PRELID2: variants seen among roughly 807,000 people sequenced by gnomAD.
PRELID2 encodes PRELI domain containing 2.
In PRELID2, 25 loss-of-function variants were observed where a neutral mutation model predicts 28.4. The observed-to-expected ratio is 0.88, with a 90% CI of 0.64 to 1.23. The LOEUF is 1.23. Ranked by LOEUF, PRELID2 falls within the 50% of genes most tolerant of loss-of-function variation. The pLI, the probability that PRELID2 is intolerant of heterozygous loss-of-function variation, is 0.00. For synonymous variants in PRELID2, 76 were observed against 71.6 expected, an observed-to-expected ratio of 1.06 and a Z score of -0.31; for missense variants, 201 against 214.4, an observed-to-expected ratio of 0.94 and a Z score of 0.39.
At chr5:145,498,419 G>A (rs2052506) in intron 1 of PRELID2, among the ~76,000 whole-genome samples, 2,408 of 152,196 alleles carry the variant, frequency 0.016, 136 homozygotes, top group East Asian at 0.12. Context: ...CAGCTACCCT[G>A]GAGGCTGTGG....
In PRELID2 at chr5:145,704,827, T is replaced by G. The variant is rs994162288; in HGVS notation, n.70+60104A>C. On this transcript the variant is annotated intron_variant and non_coding_transcript_variant, in intron 1 of 2. Transcript: ENST00000510259. ...TGGTGGGACCAGTAAAACAGAGAAT[T>G]GGGCTGTTAGCAGCCAGATGCACTT... Among the ~76,000 whole-genome samples, 14 of 152,252 alleles carry G rather than the reference T, an allele frequency of 9.2e-5. No individual in the cohort carries two copies. The East Asian group carries it at 2.7e-3, about 29-fold the overall frequency.
At chr5:145,426,382 A>G in the PRELID2 span, among the ~76,000 whole-genome samples, 1 of 152,198 alleles carries the variant, frequency 6.6e-6, no homozygotes, top group Admixed American at 6.5e-5. Flanking sequence ...AGTAAAACTG[A>G]CTTTCAGCTA....
At chr5:145,744,875 A>T (rs577336242) in intron 1 of PRELID2, among the ~76,000 whole-genome samples, 26 of 152,232 alleles carry the variant, frequency 1.7e-4, no homozygotes, top group African/African-American at 6.3e-4. Context: ...AAGAATTGAC[A>T]GAAGTAGGTT....
At position 145,619,120 on chromosome 5, in the gene PRELID2, A is replaced by C. The variant is rs191613033; in HGVS notation, n.71-145805T>G. On this transcript the variant is annotated intron_variant and non_coding_transcript_variant, in intron 1 of 2. Coordinates refer to the PRELID2 transcript ENST00000510259. ...CCAGGCTACCCGCCTCCCAGCTGTG[A>C]AAGAAAAAGGCCTTAGTTCTTCCCC... 2.3e-3 allele frequency among the ~76,000 whole-genome samples: 348 copies of C among 152,310 alleles called. 1 individual carries two copies. The highest frequency in any genetic ancestry group is 3.4e-3 in the Non-Finnish European group (233 of 68,020).
At chr5:145,563,367 C>T (rs1752939888) in intron 1 of PRELID2, among the ~76,000 whole-genome samples, 2 of 152,166 alleles carry the variant, frequency 1.3e-5, no homozygotes, top group South Asian at 2.1e-4. Flanking sequence ...CCTGGATCCA[C>T]ACATAACTGG....
At chr5:145,718,805 T>TA (rs1351941273) in intron 1 of PRELID2, among the ~76,000 whole-genome samples, 2 of 151,956 alleles carry the variant, frequency 1.3e-5, no homozygotes, top group African/African-American at 4.8e-5. Flanking sequence ...AAATGTTTAT[T>TA]ACATGGAGAA....
At chr5:145,810,728 G>A (rs1427953898) in intron 4 of PRELID2, among the ~76,000 whole-genome samples, 1 of 152,050 alleles carries the variant, frequency 6.6e-6, no homozygotes, top group Non-Finnish European at 1.5e-5. Flanking sequence ...TGACCACTAT[G>A]GGCTGGCACT....
At chr5:145,229,053 G>A in the PRELID2 span, 100 of 1,594,924 alleles carry the variant, frequency 6.3e-5, no homozygotes, top group East Asian at 3.8e-4. Context: ...CCAGTCCAGC[G>A]CACTGTATGA....
the PRELID2 span, among the ~76,000 whole-genome samples, chr5:145,455,945 G>C: frequency 2.0e-5 from 3 of 152,254 alleles, no homozygotes; most frequent in Admixed American, 2.0e-4. Context: ...CTTCTGTGTT[G>C]ATCTCACTGG....
the PRELID2 span, among the ~76,000 whole-genome samples, chr5:145,435,030 T>C: frequency 2.0e-5 from 3 of 152,196 alleles, no homozygotes; most frequent in Admixed American, 2.0e-4. Flanking sequence ...CTTTCAAAGT[T>C]ATTCTAATTA....
chr5:145,764,963 C>T lies in PRELID2; in HGVS notation c.512G>A (p.Cys171Tyr). The change falls in exon 6 of 7, where the codon TGT (cysteine) becomes TAT (tyrosine). Residue 171 changes from cysteine to tyrosine, a missense_variant. Transcript: ENST00000683046. ...RIMEMLLKEQ[C>Y]GAPLAE ...TCTTTATTCAGCTAAGGGGGCACCA[C>T]ACTGTTCCTTTAGCAGCATCTCCAT... The T allele has an allele frequency of 1.2e-6, 2 of 1,612,126 alleles. No individual in the cohort carries two copies. Among genetic ancestry groups the T allele is most frequent in the African/African-American group, 1.3e-5 (1 of 74,926 alleles).
chr5:145,388,015 TATC>T, the PRELID2 span, among the ~76,000 whole-genome samples: 2 of 150,754 alleles, frequency 1.3e-5, no homozygotes, highest in East Asian at 3.9e-4. Flanking sequence ...TAAAGAGGCT[TATC>T]ATTAATACAC....
rs181075039 is a variant in PRELID2, at chr5:145,556,075, G to A, written n.71-82760C>T. On this transcript the variant is annotated intron_variant and non_coding_transcript_variant, in intron 1 of 2. Coordinates refer to the PRELID2 transcript ENST00000510259. ...TGCCTGTAGTCCTAGCTACTCTGGAGGCTGAGGCAGGAGAATTGCTTGAAC... is the reference window on the plus strand; with the variant it reads ...TGCCTGTAGTCCTAGCTACTCTGGAAGCTGAGGCAGGAGAATTGCTTGAAC... Among the ~76,000 whole-genome samples, 188 of 151,754 alleles carry A rather than the reference G, an allele frequency of 1.2e-3. 2 individuals carry two copies. The highest frequency in any genetic ancestry group is 4.5e-3 in the African/African-American group (185 of 41,354).
the PRELID2 span, among the ~76,000 whole-genome samples, chr5:145,443,036 G>A: frequency 4.6e-5 from 7 of 151,944 alleles, no homozygotes; most frequent in Admixed American, 2.6e-4. Flanking sequence ...CACAAGGGTC[G>A]CATTCCATTC....
At chr5:145,631,014 G>A (rs908303335) in intron 1 of PRELID2, among the ~76,000 whole-genome samples, 6 of 152,088 alleles carry the variant, frequency 3.9e-5, no homozygotes, top group Non-Finnish European at 7.4e-5. Context: ...TGTGAAATGG[G>A]GATAAACCAC....
At chr5:145,628,001 T>TA (rs1199651192) in intron 1 of PRELID2, among the ~76,000 whole-genome samples, 6 of 152,300 alleles carry the variant, frequency 3.9e-5, no homozygotes, top group East Asian at 1.9e-4. Context: ...TGTGACCCAA[T>TA]AAAAAACATC....
chr5:145,716,388 A>C (rs1755844248), intron 1 of PRELID2, among the ~76,000 whole-genome samples: 1 of 152,160 alleles, frequency 6.6e-6, no homozygotes, highest in East Asian at 1.9e-4. Flanking sequence ...AATCGTGGTG[A>C]GCTACCATGT....
chr5:145,637,916 T>C (rs143441471), intron 1 of PRELID2, among the ~76,000 whole-genome samples: 13,155 of 151,586 alleles, frequency 0.087, 807 homozygotes, highest in Admixed American at 0.19. Context: ...GTTCAAGCGA[T>C]TCTCCTGCCT....
chr5:145,757,818 A>G lies in PRELID2; in HGVS notation c.*2718T>C, dbSNP rs1757304224. Among the ~76,000 whole-genome samples the G allele has an allele frequency of 2.1e-5, 3 of 140,232 alleles. No homozygotes were observed. In the South Asian group the frequency reaches 6.9e-4, roughly 32 times the overall value. The allele number at this position is 140,232 out of a possible 152,430, so 92.0% of individuals were successfully genotyped here. On this transcript the variant is annotated 3_prime_UTR_variant, in exon 7 of 7. Coordinates refer to ENST00000683046, the MANE Select transcript of PRELID2 (RefSeq NM_205846.3). ...CCCTATCTCAAAAAAAAGTAAATGAAAAAAAAAAAAAAAAAGACCATAAAA... is the reference window on the plus strand; with the variant it reads ...CCCTATCTCAAAAAAAAGTAAATGAGAAAAAAAAAAAAAAAGACCATAAAA...
Sources: allele counts gnomAD v4.1 joint callset (sites outside exome capture counted in the v4.1 genomes callset), GRCh38; gene constraint gnomAD v4.1.1; transcripts MANE v1.5; gene names NCBI Gene and HGNC (gene_info 2026-07-23, HGNC 2026-07-21).